Variants in LAMA2 observed in about 807,000 individuals in gnomAD.
LAMA2 encodes the protein laminin subunit alpha-2.
A neutral mutation model predicts 364.8 loss-of-function variants in LAMA2; 269 were observed. The observed-to-expected ratio is 0.74, with a 90% confidence interval of 0.67 to 0.82. The LOEUF (loss-of-function observed/expected upper bound fraction) is 0.82. LAMA2 is among the 40% of genes least tolerant of loss of function. The probability of loss-of-function intolerance (pLI) is 0.00; values close to 1 mark genes in which losing one functional copy is unlikely to be tolerated. For synonymous variants in LAMA2, 1,379 were observed against 1,370.6 expected (o/e 1.01, Z -0.14); for missense variants, 3,807 against 3,873.2 (o/e 0.98, Z 0.45).
At chr6:129,185,767 G>A (rs148290803) in intron 10 of LAMA2, among the ~76,000 whole-genome samples, 128 of 151,776 alleles carry the variant, frequency 8.4e-4, no homozygotes, top group African/African-American at 3.1e-3. Context: ...TAATATGTGA[G>A]AATATAAAAG....
intron 4 of LAMA2, among the ~76,000 whole-genome samples, chr6:129,125,951 C>T (rs1183721561): frequency 1.3e-5 from 2 of 151,808 alleles, no homozygotes; most frequent in East Asian, 1.9e-4. Flanking sequence ...AATAAAAAGC[C>T]ATCAAAAAAC....
chr6:128,921,695 C>CTTTTTTTTTTTTTTTT, intron 1 of LAMA2, among the ~76,000 whole-genome samples: 1 of 122,576 alleles, frequency 8.2e-6, no homozygotes, highest in African/African-American at 4.3e-5. Context: ...AAATGAATGT[C>CTTTTTTTTTTTTTTTT]TGTTTTTTTT....
chr6:129,224,494 G>T (rs995841885), intron 12 of LAMA2, among the ~76,000 whole-genome samples: 43 of 152,068 alleles, frequency 2.8e-4, no homozygotes, highest in Non-Finnish European at 1.0e-4. Flanking sequence ...GTCATAGATA[G>T]CTCTTATTAT....
chr6:129,458,321 A>C (rs1405733830), intron 48 of LAMA2, among the ~76,000 whole-genome samples: 1 of 152,032 alleles, frequency 6.6e-6, no homozygotes, highest in African/African-American at 2.4e-5. Context: ...TTATTATGCA[A>C]ATGTAATTGG....
At chr6:128,919,910 G>C (rs557566954) in intron 1 of LAMA2, among the ~76,000 whole-genome samples, 2 of 152,180 alleles carry the variant, frequency 1.3e-5, no homozygotes, top group Non-Finnish European at 2.9e-5. Context: ...GACTGGTTTA[G>C]ATGATGAATT....
chr6:129,101,824 A>G (rs1406057402), intron 4 of LAMA2, among the ~76,000 whole-genome samples: 1 of 152,176 alleles, frequency 6.6e-6, no homozygotes, highest in Non-Finnish European at 1.5e-5. Context: ...CAGTTCAGAA[A>G]ACTGTTCAGT....
At chr6:129,243,742 C>T (rs1785544054) in intron 12 of LAMA2, among the ~76,000 whole-genome samples, 1 of 151,852 alleles carries the variant, frequency 6.6e-6, no homozygotes. Flanking sequence ...AAAAAAAAAT[C>T]CCAAATTCAG....
chr6:128,934,007 T>C (rs1251910105), intron 1 of LAMA2, among the ~76,000 whole-genome samples: 1 of 152,212 alleles, frequency 6.6e-6, no homozygotes, highest in Non-Finnish European at 1.5e-5. Flanking sequence ...CCAAAAATCA[T>C]GACCAAGACT....
chr6:129,495,132 G>A (rs996492799), intron 58 of LAMA2, among the ~76,000 whole-genome samples: 1 of 152,150 alleles, frequency 6.6e-6, no homozygotes, highest in African/African-American at 2.4e-5. Context: ...CCAGTGTTAT[G>A]ACAAGGCAGG....
intron 12 of LAMA2, among the ~76,000 whole-genome samples, chr6:129,229,300 G>A (rs1221866255): frequency 6.6e-6 from 1 of 152,128 alleles, no homozygotes; most frequent in East Asian, 1.9e-4. Flanking sequence ...ATCTGAAGGT[G>A]ACTAGGAAAA....
chr6:129,148,856 A>G (rs1778633719), intron 6 of LAMA2, 123 bp from the exon 7 acceptor site: 2 of 788,146 alleles, frequency 2.5e-6, no homozygotes, highest in African/African-American at 3.4e-5. Flanking sequence ...CAGGCTGGCT[A>G]GTTTTACATT....
chr6:129,315,739 C>G, intron 25 of LAMA2, 23 bp from the exon 26 acceptor site: 1 of 1,612,824 alleles, frequency 6.2e-7, no homozygotes, highest in Non-Finnish European at 8.5e-7. Context: ...TCCAATTCCT[C>G]ATTCTTCTTT....
At chr6:129,175,608 G>A (rs187377898) in intron 9 of LAMA2, among the ~76,000 whole-genome samples, 3 of 152,172 alleles carry the variant, frequency 2.0e-5, no homozygotes, top group East Asian at 1.9e-4. Flanking sequence ...ACCAAACACC[G>A]CATGTTCTTA....
intron 45 of LAMA2, among the ~76,000 whole-genome samples, chr6:129,448,292 A>T (rs2114779816): frequency 6.6e-6 from 1 of 152,286 alleles, no homozygotes; most frequent in Non-Finnish European, 1.5e-5. Flanking sequence ...CCCCCCAAAA[A>T]AAAAGAGAAG....
intron 4 of LAMA2, among the ~76,000 whole-genome samples, chr6:129,117,739 C>A (rs896853475): frequency 6.6e-6 from 1 of 152,192 alleles, no homozygotes; most frequent in African/African-American, 2.4e-5. Flanking sequence ...AAATGCCTTG[C>A]ATCTTGTAAC....
chr6:129,291,993 TTTAATC>T (rs1261683723), intron 20 of LAMA2, among the ~76,000 whole-genome samples: 3 of 152,186 alleles, frequency 2.0e-5, no homozygotes, highest in African/African-American at 7.2e-5. Context: ...AGCAGGCGAA[TTTAATC>T]TTAATCTGTG....
At chr6:129,404,095 G>A (rs1780122832) in intron 40 of LAMA2, 136 bp downstream of exon 40, 1 of 947,898 alleles carries the variant, frequency 1.1e-6, no homozygotes, top group Non-Finnish European at 1.6e-6. Flanking sequence ...TTTAAAATTT[G>A]CCTAAAATAA....
chr6:128,888,925 A>T (rs1231889784), intron 1 of LAMA2, among the ~76,000 whole-genome samples: 1 of 152,222 alleles, frequency 6.6e-6, no homozygotes, highest in Admixed American at 6.5e-5. Context: ...CTCTTGTCCC[A>T]AACACTCCAC....
intron 3 of LAMA2, among the ~76,000 whole-genome samples, chr6:129,070,058 C>T (rs1171342475): frequency 1.3e-5 from 2 of 152,032 alleles, no homozygotes; most frequent in African/African-American, 4.8e-5. Context: ...AAAGGAGGAG[C>T]TATAAGTGTG....
Sources: gnomAD v4.1 joint callset for allele counts (sites outside exome capture counted in the v4.1 genomes callset) on GRCh38, gnomAD v4.1.1 for gene constraint, MANE v1.5 for transcripts, NCBI Gene and HGNC (gene_info 2026-07-23, HGNC 2026-07-21) for gene names.